The following DOCK2 variants were observed in gnomAD, a reference collection of about 807,000 sequenced individuals.
The protein encoded by DOCK2 is dedicator of cytokinesis 2.
Under a neutral mutation model 248.9 loss-of-function variants are expected in DOCK2, and 87 were observed. The observed-to-expected ratio is 0.35, with a 90% CI of 0.29 to 0.42. DOCK2 has a LOEUF of 0.42. Among genes scored for constraint, DOCK2 ranks in the 10% least tolerant of loss-of-function variants. The pLI is 1.00. For missense variants in DOCK2, 1,747 were observed against 2,300.2 expected (o/e 0.76, Z 4.92); for synonymous variants, 805 against 821.6 (o/e 0.98, Z 0.35).
Position 169,708,175 on chromosome 5 carries a change from A to C in DOCK2, c.1390A>C (p.Ile464Leu). The C allele has an allele frequency of 6.2e-7, 1 of 1,613,830 alleles. No homozygotes were observed. Among genetic ancestry groups the C allele is most frequent in the African/African-American group, 1.3e-5 (1 of 75,034 alleles). ...AEDGKTLPNAICVGAGDKPMN... is the reference protein window; with the variant it reads ...AEDGKTLPNALCVGAGDKPMN... Reference sequence around the variant, plus strand: ...TTTGTTTTTCTTGGGTCAGAATGCAATTTGCGTGGGAGCAGGGGACAAGCC... The same window carrying C: ...TTTGTTTTTCTTGGGTCAGAATGCACTTTGCGTGGGAGCAGGGGACAAGCC... The change falls in exon 15 of 52, where the codon ATT (isoleucine) becomes CTT (leucine). Residue 464 changes from isoleucine to leucine, a missense_variant. Coordinates refer to ENST00000520908, the MANE Select transcript of DOCK2 (RefSeq NM_004946.3).
intron 27 of DOCK2, among the ~76,000 whole-genome samples, chr5:169,921,096 C>T (rs1775149858): frequency 6.6e-6 from 1 of 152,150 alleles, no homozygotes; most frequent in Non-Finnish European, 1.5e-5. Context: ...CAGTGTTTTG[C>T]TTCCATAAGG....
At chr5:169,869,073 A>T (rs1324654657) in intron 27 of DOCK2, among the ~76,000 whole-genome samples, 2 of 152,124 alleles carry the variant, frequency 1.3e-5, no homozygotes, top group Admixed American at 6.5e-5. Flanking sequence ...AGCTGAAATC[A>T]CTGCACATGG....
At chr5:169,716,346 G>A (rs779230288) in intron 20 of DOCK2, 44 bp downstream of exon 20, 93 of 1,588,840 alleles carry the variant, frequency 5.9e-5, no homozygotes, top group Non-Finnish European at 7.9e-5. Flanking sequence ...AGGCATTAAT[G>A]TATGTCTTAC....
intron 11 of DOCK2, among the ~76,000 whole-genome samples, chr5:169,698,769 G>T (rs191819892): frequency 6.6e-6 from 1 of 152,308 alleles, no homozygotes; most frequent in Non-Finnish European, 1.5e-5. Flanking sequence ...TATAGATGGG[G>T]AATTAAACAG....
chr5:170,061,549 C>T (rs1182189295), intron 44 of DOCK2, among the ~76,000 whole-genome samples: 1 of 152,184 alleles, frequency 6.6e-6, no homozygotes, highest in African/African-American at 2.4e-5. Flanking sequence ...GGTTTAACTT[C>T]TGAAATCTAG....
At chr5:169,641,015 G>A (rs1258933409) in intron 1 of DOCK2, among the ~76,000 whole-genome samples, 1 of 152,216 alleles carries the variant, frequency 6.6e-6, no homozygotes, top group Admixed American at 6.5e-5. Context: ...AGCTGCCAGT[G>A]GTTTGCTGGC....
At chr5:170,000,754 G>A (rs1243474049) in intron 30 of DOCK2, among the ~76,000 whole-genome samples, 1 of 152,190 alleles carries the variant, frequency 6.6e-6, no homozygotes, top group Admixed American at 6.5e-5. Context: ...TTGGCTCTAG[G>A]TGTGGCCATT....
chr5:169,743,893 A>C (rs1763463396), intron 22 of DOCK2, among the ~76,000 whole-genome samples: 1 of 148,460 alleles, frequency 6.7e-6, no homozygotes, highest in African/African-American at 2.4e-5. Flanking sequence ...AAATTTGTAT[A>C]AACTTATATT....
intron 2 of DOCK2, among the ~76,000 whole-genome samples, chr5:169,666,210 G>A (rs189703345): frequency 4.6e-5 from 7 of 152,214 alleles, no homozygotes; most frequent in African/African-American, 1.4e-4. Flanking sequence ...GAGAGAGGGA[G>A]CAAACTCTCC....
chr5:170,073,166 G>T (rs923003594), intron 46 of DOCK2, among the ~76,000 whole-genome samples: 6 of 152,130 alleles, frequency 3.9e-5, no homozygotes, highest in Non-Finnish European at 7.4e-5. Context: ...GATCCTTTTT[G>T]ACTGATGTAA....
intron 27 of DOCK2, among the ~76,000 whole-genome samples, chr5:169,961,497 G>C (rs564071694): frequency 6.6e-6 from 1 of 152,294 alleles, no homozygotes; most frequent in East Asian, 1.9e-4. Context: ...ACTATTGACT[G>C]TGCACCTTTT....
chr5:169,640,576 A>G (rs1157156013), intron 1 of DOCK2, among the ~76,000 whole-genome samples: 5 of 152,230 alleles, frequency 3.3e-5, no homozygotes, highest in Non-Finnish European at 7.3e-5. Context: ...GGTACAATAA[A>G]GGTTTAGAGA....
intron 27 of DOCK2, among the ~76,000 whole-genome samples, chr5:169,904,096 A>AAG (rs1774131125): frequency 6.6e-6 from 1 of 150,778 alleles, no homozygotes; most frequent in African/African-American, 2.4e-5. Context: ...CGTCTCAAAA[A>AAG]AAAAAAAAAA....
intron 23 of DOCK2, among the ~76,000 whole-genome samples, chr5:169,748,749 C>T (rs1257930606): frequency 2.6e-5 from 4 of 152,070 alleles, no homozygotes; most frequent in Non-Finnish European, 5.9e-5. Context: ...TAGTAAAATA[C>T]CCAAAAAGCT....
chr5:169,825,094 G>C (rs1237628080), intron 26 of DOCK2, among the ~76,000 whole-genome samples: 1 of 152,156 alleles, frequency 6.6e-6, no homozygotes, highest in Non-Finnish European at 1.5e-5. Flanking sequence ...CAGTTAGAAT[G>C]GTGATCATTA....
chr5:170,030,930 C>T (rs1223785002), intron 34 of DOCK2, among the ~76,000 whole-genome samples: 2 of 152,210 alleles, frequency 1.3e-5, no homozygotes, highest in Non-Finnish European at 2.9e-5. Flanking sequence ...GTGGCAACTG[C>T]AGCCTTGCAT....
chr5:170,057,619 A>G lies in DOCK2; in HGVS notation c.4420A>G (p.Lys1474Glu). ...GAGAACCTCCTTCGTGACTGCATAC[A>G]AGCTGCCGGGGATCCTGCGCTGGTT... Reference protein sequence around the residue: ...IERTSFVTAYKLPGILRWFEV... With the variant: ...IERTSFVTAYELPGILRWFEV... The change falls in exon 44 of 52, where the codon AAG (lysine) becomes GAG (glutamate). Residue 1474 changes from lysine (K) to glutamate (E), a missense_variant. Coordinates refer to ENST00000520908, the MANE Select transcript of DOCK2 (RefSeq NM_004946.3). 1.9e-6 allele frequency: 3 copies of G among 1,614,052 alleles called. No individual in the cohort carries two copies. Among genetic ancestry groups the G allele is most frequent in the Non-Finnish European group, 2.5e-6 (3 of 1,179,946 alleles).
chr5:169,787,618 G>T (rs1004077564), intron 25 of DOCK2, among the ~76,000 whole-genome samples: 1 of 151,638 alleles, frequency 6.6e-6, no homozygotes, highest in Non-Finnish European at 1.5e-5. Flanking sequence ...GCCTGTTGTG[G>T]CTCCCTTGTC....
chr5:169,711,238 T>A (rs184069822), intron 15 of DOCK2, among the ~76,000 whole-genome samples: 1 of 152,340 alleles, frequency 6.6e-6, no homozygotes, highest in East Asian at 1.9e-4. Context: ...GCTAACCTTC[T>A]CCGCATTGGC....
Sources: gnomAD v4.1 joint callset for allele counts (sites outside exome capture counted in the v4.1 genomes callset) on GRCh38, gnomAD v4.1.1 for gene constraint, MANE v1.5 for transcripts, NCBI Gene and HGNC (gene_info 2026-07-23, HGNC 2026-07-21) for gene names.